The following KNL1 variants were observed in gnomAD, a reference collection of about 807,000 sequenced individuals.
KNL1 encodes outer kinetochore KNL1 complex subunit KNL1.
Under a neutral mutation model 201.3 loss-of-function variants are expected in KNL1, and 66 were observed. The ratio of observed to expected loss-of-function variants is 0.33; its 90% confidence interval spans 0.27 to 0.40. The LOEUF is 0.40. Ranked by LOEUF, KNL1 falls within the 10% of genes least tolerant of loss-of-function variation. The probability of loss-of-function intolerance (pLI) is 1.00; values close to 1 mark genes in which losing one functional copy is unlikely to be tolerated. For synonymous variants in KNL1, 895 were observed against 899.2 expected (o/e 1.00, Z 0.08); for missense variants, 2,815 against 2,690.5 (o/e 1.05, Z -1.02).
intron 10 of KNL1, among the ~76,000 whole-genome samples, chr15:40,627,239 G>A (rs1049772083): frequency 3.9e-5 from 6 of 152,198 alleles, no homozygotes; most frequent in African/African-American, 1.4e-4. Flanking sequence ...TTTCAGCCAG[G>A]CGCGGTAGCT....
intron 13 of KNL1, among the ~76,000 whole-genome samples, chr15:40,634,396 C>T (rs1049024923): frequency 1.3e-5 from 2 of 152,198 alleles, no homozygotes; most frequent in African/African-American, 2.4e-5. Context: ...TGAGCCACCA[C>T]GCCTGGTGCG....
rs1264199346 is a variant in KNL1, at chr15:40,620,976, A to G, written c.712A>G (p.Asn238Asp). Residue 238 changes from asparagine (N) to aspartate (D), a missense_variant, in exon 10 of 26, where the codon AAT becomes GAT. Physicochemically the swap from Asn to Asp is conservative, Grantham distance 23 (BLOSUM62 1). This residue lies in a region of KNL1 where 2,464 missense variants were observed against 2,291.7 expected (regional missense o/e 1.08). Coordinates refer to ENST00000399668, the MANE Select transcript of KNL1 (RefSeq NM_144508.5). ...SAFPDVPDKE[N>D]FEIPIYSKEP... ...TTTTCCTGATGTGCCTGATAAAGAA[A>G]ATTTTGAGATACCTATTTATTCCAA... 2.5e-6 allele frequency: 4 copies of G among 1,605,004 alleles called. No homozygotes were observed. The highest frequency in any genetic ancestry group is 2.2e-5 in the East Asian group (1 of 44,820).
intron 17 of KNL1, among the ~76,000 whole-genome samples, chr15:40,647,327 T>TAG (rs1037475140): frequency 3.3e-5 from 5 of 151,694 alleles, no homozygotes; most frequent in African/African-American, 1.2e-4. Flanking sequence ...ATTTTAAAAT[T>TAG]AGCTGGGCGT....
In KNL1 at chr15:40,621,593, C is replaced by A. The variant is rs762496275; in HGVS notation, c.1329C>A (p.Leu443=). The change falls in exon 10 of 26, where the codon CTC becomes CTA. Residue 443 remains leucine (L), a synonymous_variant. Transcript: ENST00000399668. ...CNDAMEMTKC[L]SNMREEKNLL... is the part of the protein sequence containing the mutation. Reference sequence around the variant, plus strand: ...ATGCCATGGAAATGACCAAATGTCTCTCAAATATGAGAGAGGAGAAAAATT... The same window carrying A: ...ATGCCATGGAAATGACCAAATGTCTATCAAATATGAGAGAGGAGAAAAATT... The A allele has an allele frequency of 3.7e-6, 6 of 1,610,448 alleles. No individual in the cohort carries two copies. The highest frequency in any genetic ancestry group is 5.1e-6 in the Non-Finnish European group (6 of 1,178,426).
chr15:40,654,885 A>G, intron 21 of KNL1, 24 bp from the exon 22 acceptor site: 1 of 1,596,418 alleles, frequency 6.3e-7, no homozygotes, highest in Middle Eastern at 1.7e-4. Context: ...AATTTTTAAA[A>G]ATCATTATTC....
At chr15:40,603,014 G>A (rs1477544217) in intron 2 of KNL1, 48 bp downstream of exon 2, 17 of 1,270,952 alleles carry the variant, frequency 1.3e-5, no homozygotes, top group East Asian at 2.3e-5. Flanking sequence ...ATCAGAGAAA[G>A]ATATTTTTCT....
intron 1 of KNL1, among the ~76,000 whole-genome samples, chr15:40,602,303 A>ATTTT (rs34302606): frequency 1.8e-5 from 2 of 108,692 alleles, no homozygotes; most frequent in South Asian, 2.8e-4. Flanking sequence ...AAAGTGCTGT[A>ATTTT]TTTTTTTTTT....
At position 40,602,919 on chromosome 15, in the gene KNL1, GT is replaced by G; in HGVS notation, c.-9del. 6.4e-7 allele frequency: 1 copy of G among 1,567,832 alleles called. No homozygotes were observed. Among genetic ancestry groups the G allele is most frequent in the Non-Finnish European group, 8.7e-7 (1 of 1,143,376 alleles). On this transcript the variant is annotated 5_prime_UTR_variant, in exon 2 of 26. Transcript: ENST00000399668. ...AATATTGTATATTTGTTACAGAAAAGTTTTCTTCAAAAATGGATGGGGTGTC... is the reference window on the plus strand; with the variant it reads ...AATATTGTATATTTGTTACAGAAAAGTTTCTTCAAAAATGGATGGGGTGTC...
At chr15:40,627,513 CA>C (rs543656517) in intron 10 of KNL1, among the ~76,000 whole-genome samples, 1,077 of 68,790 alleles carry the variant, frequency 0.016, 3 homozygotes, top group African/African-American at 0.048. Context: ...GACTCCGCCT[CA>C]AAAAAAAAAA....
chr15:40,629,036 AAAAG>A (rs1892829248), intron 12 of KNL1, among the ~76,000 whole-genome samples: 1 of 152,184 alleles, frequency 6.6e-6, no homozygotes, highest in Admixed American at 6.5e-5. Context: ...TTGTCTCAAA[AAAAG>A]AGAAAAAAAT....
rs1212181458 is a variant in KNL1 at position 40,624,186 on chromosome 15, G to A, written c.3922G>A (p.Val1308Ile). Residue 1308 changes from valine to isoleucine, a missense_variant, in exon 10 of 26, where the codon GTT (valine) becomes ATT (isoleucine). Physicochemically the swap from Val to Ile is conservative, Grantham distance 29 (BLOSUM62 3). Transcript: ENST00000399668. ...SSDNYSCLPN[V>I]ISCTDNLEGS... The stretch of plus-strand genomic sequence containing the variant: ...TGATAATTATTCCTGTTTACCAAAT[G>A]TTATTTCCTGTACTGATAATTTGGA... 2.5e-6 allele frequency: 4 copies of A among 1,613,786 alleles called. No individual in the cohort carries two copies. Among genetic ancestry groups the A allele is most frequent in the Non-Finnish European group, 3.4e-6 (4 of 1,179,922 alleles).
intron 16 of KNL1, among the ~76,000 whole-genome samples, chr15:40,646,141 G>A (rs570313944): frequency 6.6e-6 from 1 of 152,270 alleles, no homozygotes; most frequent in African/African-American, 2.4e-5. Flanking sequence ...TTCCCAAAAT[G>A]ATTAGCTTTT....
intron 13 of KNL1, among the ~76,000 whole-genome samples, chr15:40,639,541 C>G (rs188405722): frequency 4.1e-5 from 6 of 146,946 alleles, no homozygotes; most frequent in Non-Finnish European, 9.0e-5. Context: ...GCTGAGATCA[C>G]GCCACTTCAC....
intron 13 of KNL1, among the ~76,000 whole-genome samples, chr15:40,635,806 G>A (rs1275645980): frequency 6.6e-6 from 1 of 152,216 alleles, no homozygotes; most frequent in Non-Finnish European, 1.5e-5. Flanking sequence ...GCATGCTCAT[G>A]TAGTGACTCA....
At chr15:40,604,116 TATCATCATCATCATC>T (rs71104704) in intron 2 of KNL1, among the ~76,000 whole-genome samples, 9 of 149,434 alleles carry the variant, frequency 6.0e-5, no homozygotes, top group African/African-American at 7.4e-5. Flanking sequence ...CTGTCTCACA[TATCATCATCATCATC>T]ATCATCATCA....
In KNL1 at chr15:40,622,116, A is replaced by G. The variant is rs1276014444; in HGVS notation, c.1852A>G (p.Ser618Gly). 6.2e-7 allele frequency: 1 copy of G among 1,614,104 alleles called. No individual in the cohort carries two copies. Among genetic ancestry groups the G allele is most frequent in the Non-Finnish European group, 8.5e-7 (1 of 1,179,966 alleles). ...AGATGAATGTGAAGAAATTACCAAA[A>G]GTCGTAATGAACCATTTCAGCGATC... ...SSDECEEITK[S>G]RNEPFQRSDI... is the part of the protein sequence containing the mutation. Residue 618 changes from serine to glycine, a missense_variant, in exon 10 of 26, where the codon AGT becomes GGT. Ser to Gly is a moderately conservative substitution (Grantham distance 56). Transcript: ENST00000399668.
chr15:40,641,326 A>G (rs763448701), intron 14 of KNL1, among the ~76,000 whole-genome samples: 6 of 152,204 alleles, frequency 3.9e-5, no homozygotes, highest in Non-Finnish European at 8.8e-5. Flanking sequence ...GCGTATATAA[A>G]TTGTTTTCAT....
intron 14 of KNL1, among the ~76,000 whole-genome samples, chr15:40,643,488 T>TA (rs901912215): frequency 1.6e-4 from 24 of 151,928 alleles, no homozygotes; most frequent in Non-Finnish European, 2.5e-4. Context: ...AAATAATACA[T>TA]AAAAAAATTA....
At position 40,640,958 on chromosome 15, in the gene KNL1, A is replaced by G; in HGVS notation, c.5729A>G (p.Gln1910Arg). ...PPTPEDLMLS[Q>R]YVYRPKIQIY... is the part of the protein sequence containing the mutation. The stretch of plus-strand genomic sequence containing the variant: ...ACTCCAGAAGACCTGATGTTAAGTC[A>G]ATATGTTTACCGACCCAAGATACAG... The change falls in exon 14 of 26, where the codon CAA (glutamine) becomes CGA (arginine). Residue 1910 changes from glutamine (Q) to arginine (R), a missense_variant. Around this residue, in one of 3 missense-constraint regions of KNL1, gnomAD observed 2,464 missense variants for 2,291.7 expected, o/e 1.08. Transcript: ENST00000399668. 2 of 1,613,494 alleles carry G rather than the reference A, an allele frequency of 1.2e-6. No individual in the cohort carries two copies. Among genetic ancestry groups the G allele is most frequent in the Non-Finnish European group, 1.7e-6 (2 of 1,179,752 alleles).
Sources: gnomAD v4.1 joint callset for allele counts (sites outside exome capture counted in the v4.1 genomes callset) on GRCh38, gnomAD v4.1.1 for gene constraint, gnomAD v4.1.1 regional missense constraint, MANE v1.5 for transcripts, NCBI Gene and HGNC (gene_info 2026-07-23, HGNC 2026-07-21) for gene names.